CRB1: variants seen among roughly 807,000 people sequenced by gnomAD.
CRB1 encodes the protein protein crumbs homolog 1.
Under a neutral mutation model 120.0 loss-of-function variants are expected in CRB1, and 83 were observed. The observed-to-expected ratio is 0.69, with a 90% CI of 0.58 to 0.83. The LOEUF is 0.83. Among genes scored for constraint, CRB1 ranks in the 40% least tolerant of loss-of-function variants. The probability of loss-of-function intolerance (pLI) is 0.00; values close to 1 mark genes in which losing one functional copy is unlikely to be tolerated. For synonymous variants in CRB1, 625 were observed against 612.5 expected (o/e 1.02, Z -0.30); for missense variants, 1,699 against 1,687.6 (o/e 1.01, Z -0.12).
chr1:197,397,013 C>T (rs2476019), intron 5 of CRB1, among the ~76,000 whole-genome samples: 127,703 of 152,032 alleles, frequency 0.84, 54,008 homozygotes, highest in African/African-American at 0.94. Flanking sequence ...AGACAAACCA[C>T]AGAATGTGAA....
rs375396992 is a variant in CRB1 at position 197,477,711 on chromosome 1, G to A, written c.4053G>A (p.Val1351=). 1.9e-6 allele frequency: 3 copies of A among 1,613,868 alleles called. No individual in the cohort carries two copies. The highest frequency in any genetic ancestry group is 2.5e-6 in the Non-Finnish European group (3 of 1,179,874). Residue 1351 remains valine (V), a synonymous_variant, in exon 12 of 12, where the codon GTG becomes GTA. Coordinates refer to ENST00000367400, the MANE Select transcript of CRB1 (RefSeq NM_201253.3). ...ISDIFTTIGS[V]TVALLLILLL... ...ACATTTTCACCACTATTGGCTCAGTGACTGTCGCCTTGTTACTGATCCTCT... is the reference window on the plus strand; with the variant it reads ...ACATTTTCACCACTATTGGCTCAGTAACTGTCGCCTTGTTACTGATCCTCT...
At position 197,344,522 on chromosome 1, in the gene CRB1, C is replaced by A. The variant is rs767970344; in HGVS notation, c.848+46C>A. 7 of 1,561,208 alleles carry A rather than the reference C, an allele frequency of 4.5e-6. No homozygotes were observed. The East Asian group carries it at 1.3e-4, about 30-fold the overall frequency. On this transcript the variant is annotated intron_variant, in intron 3 of 11. Coordinates refer to ENST00000367400, the MANE Select transcript of CRB1 (RefSeq NM_201253.3). Reference sequence around the variant, plus strand: ...GGTGATTGGCTTAGAACTCCCTGACCATGAACTATTTTACCACTCTGTTGA... The same window carrying A: ...GGTGATTGGCTTAGAACTCCCTGACAATGAACTATTTTACCACTCTGTTGA...
intron 5 of CRB1, among the ~76,000 whole-genome samples, chr1:197,415,018 T>C (rs192618920): frequency 6.6e-6 from 1 of 152,296 alleles, no homozygotes; most frequent in East Asian, 1.9e-4. Flanking sequence ...TTTAAAGTGA[T>C]GGTAAAATTT....
chr1:197,307,457 G>A (rs971863896), intron 1 of CRB1, among the ~76,000 whole-genome samples: 20 of 152,262 alleles, frequency 1.3e-4, no homozygotes, highest in African/African-American at 4.8e-4. Context: ...AAGGAAATAA[G>A]CTGTGGTTTT....
chr1:197,255,520 A>G, the CRB1 span, among the ~76,000 whole-genome samples: 1 of 152,046 alleles, frequency 6.6e-6, no homozygotes, highest in East Asian at 1.9e-4. Context: ...GCACCTTTCA[A>G]CTGTTCACAT....
intron 5 of CRB1, among the ~76,000 whole-genome samples, chr1:197,404,484 C>T (rs554195066): frequency 6.8e-6 from 1 of 146,476 alleles, no homozygotes; most frequent in Non-Finnish European, 1.5e-5. Flanking sequence ...TGGAACTTGT[C>T]AGATGACGTT....
chr1:197,451,489 A>C (rs1318269381), intron 11 of CRB1, among the ~76,000 whole-genome samples: 3 of 152,206 alleles, frequency 2.0e-5, no homozygotes, highest in African/African-American at 7.2e-5. Flanking sequence ...ATGTTTGAGA[A>C]TGAGACATTT....
At chr1:197,331,167 A>C (rs1658837472) in intron 2 of CRB1, among the ~76,000 whole-genome samples, 1 of 152,134 alleles carries the variant, frequency 6.6e-6, no homozygotes, top group Non-Finnish European at 1.5e-5. Context: ...CAAAAAAAAA[A>C]AGAGGAGCCC....
In CRB1 at chr1:197,478,411, G is replaced by A. The variant is rs1361056802; in HGVS notation, c.*532G>A. 6.3e-6 allele frequency: 1 copy of A among 159,210 alleles called. No homozygotes were observed. Among genetic ancestry groups the A allele is most frequent in the Non-Finnish European group, 1.4e-5 (1 of 71,900 alleles). The allele number at this position is 159,210 out of a possible 1,614,324, so 9.9% of individuals were successfully genotyped here. On this transcript the variant is annotated 3_prime_UTR_variant, in exon 12 of 12. Transcript: ENST00000367400. ...GAGAAAGCTCTGGGAATGACTTATG[G>A]TCCAAAAAAGTGACCCAATGGCAAC... is the stretch of plus-strand genomic sequence containing the variant.
rs185569789 is a variant in CRB1 at position 197,474,859 on chromosome 1, T to A, written c.4006-2805T>A. ...AAGAGTGTGCATTTTCTAAAGATCA[T>A]TGGATAGTACTAAGGTGTTTTTCTG... On this transcript the variant is annotated intron_variant, in intron 11 of 11. Transcript: ENST00000367400. Among the ~76,000 whole-genome samples, 4 of 152,270 alleles carry A rather than the reference T, an allele frequency of 2.6e-5. No homozygotes were observed. The East Asian group carries it at 7.7e-4, about 29-fold the overall frequency.
intron 8 of CRB1, among the ~76,000 whole-genome samples, chr1:197,433,992 G>T (rs1282051441): frequency 6.6e-6 from 1 of 152,132 alleles, no homozygotes; most frequent in African/African-American, 2.4e-5. Context: ...AGAACAAGTT[G>T]TTTGTTAATC....
At chr1:197,438,406 G>A in intron 9 of CRB1, 141 bp from the exon 10 acceptor site, 1 of 985,880 alleles carries the variant, frequency 1.0e-6, no homozygotes, top group South Asian at 1.4e-5. Context: ...GCATAATGCA[G>A]CACAATTAAG....
At chr1:197,326,050 A>T (rs966238832) in intron 1 of CRB1, among the ~76,000 whole-genome samples, 1 of 152,206 alleles carries the variant, frequency 6.6e-6, no homozygotes, top group African/African-American at 2.4e-5. Context: ...ATTTAAATAG[A>T]ATTTTGAAAA....
the CRB1 span, among the ~76,000 whole-genome samples, chr1:197,235,305 C>T: frequency 2.6e-5 from 4 of 152,216 alleles, no homozygotes; most frequent in Non-Finnish European, 4.4e-5. Flanking sequence ...AACTGTCACC[C>T]GTGCACTTCA....
In CRB1 at chr1:197,332,338, A is replaced by G. The variant is rs149377149; in HGVS notation, c.652+3335A>G. On this transcript the variant is annotated intron_variant, in intron 2 of 11. Transcript: ENST00000367400. ...TCTCACTATAACACTTAGGTCCACA[A>G]TGAGGATGCTTTCCTTGTCAATCCC... 2.8e-3 allele frequency among the ~76,000 whole-genome samples: 425 copies of G among 152,204 alleles called. 1 individual carries two copies. Among genetic ancestry groups the G allele is most frequent in the African/African-American group, 9.7e-3 (404 of 41,532 alleles).
intron 11 of CRB1, among the ~76,000 whole-genome samples, chr1:197,475,860 C>T (rs1667173670): frequency 6.6e-6 from 1 of 152,136 alleles, no homozygotes; most frequent in African/African-American, 2.4e-5. Flanking sequence ...GGGTTTCTTA[C>T]TCTTTCCCTA....
At chr1:197,275,746 AT>A (rs1447431183) in intron 1 of CRB1, among the ~76,000 whole-genome samples, 1 of 151,934 alleles carries the variant, frequency 6.6e-6, no homozygotes, top group Admixed American at 6.6e-5. Context: ...TGAATGTTCA[AT>A]TTTTTAACCT....
chr1:197,272,718 G>A (rs74136093), intron 1 of CRB1, among the ~76,000 whole-genome samples: 3,719 of 152,082 alleles, frequency 0.024, 139 homozygotes, highest in African/African-American at 0.083. Context: ...ATAGCATCCT[G>A]TAAAAGACAA....
chr1:197,345,897 G>C (rs544530709), intron 3 of CRB1, among the ~76,000 whole-genome samples: 1 of 151,952 alleles, frequency 6.6e-6, no homozygotes, highest in Non-Finnish European at 1.5e-5. Context: ...ACTTTTAGTT[G>C]TACCCCAATA....
Sources: gnomAD v4.1 joint callset for allele counts (sites outside exome capture counted in the v4.1 genomes callset) on GRCh38, gnomAD v4.1.1 for gene constraint, MANE v1.5 for transcripts, NCBI Gene and HGNC (gene_info 2026-07-23, HGNC 2026-07-21) for gene names.